KCNT2: variants seen among roughly 807,000 people sequenced by gnomAD.
KCNT2 encodes the protein potassium sodium-activated channel subfamily T member 2.
KCNT2 carries 67 observed loss-of-function variants against 153.8 expected under a neutral mutation model. The observed-to-expected ratio is 0.44, with a 90% CI of 0.36 to 0.53. The LOEUF is 0.53. Among genes scored for constraint, KCNT2 ranks in the 20% least tolerant of loss-of-function variants. The probability of loss-of-function intolerance (pLI) is 0.00; values close to 1 mark genes in which losing one functional copy is unlikely to be tolerated. For missense variants in KCNT2, 975 were observed against 1,354.8 expected, an observed-to-expected ratio of 0.72 and a Z score of 4.40; for synonymous variants, 500 against 458.8, an observed-to-expected ratio of 1.09 and a Z score of -1.15.
intron 12 of KCNT2, among the ~76,000 whole-genome samples, chr1:196,401,254 G>A (rs116815955): frequency 0.031 from 4,675 of 151,840 alleles, 101 homozygotes; most frequent in Non-Finnish European, 0.049. Context: ...GAATACAGGA[G>A]AATCCAAGCC....
intron 1 of KCNT2, among the ~76,000 whole-genome samples, chr1:196,590,456 A>G (rs4633231): frequency 0.78 from 119,161 of 152,062 alleles, 49,989 homozygotes; most frequent in East Asian, 0.97. Flanking sequence ...GGTCACTGCA[A>G]TGGAGGACGG....
intron 8 of KCNT2, among the ~76,000 whole-genome samples, chr1:196,438,507 T>C (rs1309429595): frequency 6.6e-6 from 1 of 151,822 alleles, no homozygotes; most frequent in East Asian, 1.9e-4. Context: ...AGTTAGGCAA[T>C]TTGCAAAGTA....
chr1:196,578,110 A>G (rs900009508), intron 1 of KCNT2, among the ~76,000 whole-genome samples: 16 of 152,164 alleles, frequency 1.1e-4, no homozygotes, highest in Non-Finnish European at 1.8e-4. Flanking sequence ...TACAGTGCTC[A>G]AAGAAAAGTG....
chr1:196,482,304 T>C lies in KCNT2; in HGVS notation c.324+27A>G, dbSNP rs749327355. ...TGAAATGTGAATAAACCCAGAGATA[T>C]AGGGATAAAACAAAATTGTACATAA... On this transcript the variant is annotated intron_variant, in intron 4 of 27. Transcript: ENST00000294725. The C allele has an allele frequency of 2.6e-5, 38 of 1,483,394 alleles. No homozygotes were observed. The East Asian group carries it at 5.2e-4, about 20-fold the overall frequency. The allele number at this position is 1,483,394 out of a possible 1,614,324, so 91.9% of individuals were successfully genotyped here.
chr1:196,447,076 ACT>A (rs1285486801), intron 8 of KCNT2, among the ~76,000 whole-genome samples: 3 of 151,496 alleles, frequency 2.0e-5, no homozygotes, highest in South Asian at 4.2e-4. Context: ...AAGTAAAATC[ACT>A]GTTTCACTGT....
At chr1:196,471,055 T>A (rs1178333144) in intron 5 of KCNT2, among the ~76,000 whole-genome samples, 1 of 151,656 alleles carries the variant, frequency 6.6e-6, no homozygotes, top group Non-Finnish European at 1.5e-5. Flanking sequence ...TAATCTTTTT[T>A]TTATTCTTTT....
intron 1 of KCNT2, among the ~76,000 whole-genome samples, chr1:196,496,727 C>A (rs1003428784): frequency 1.3e-5 from 2 of 152,150 alleles, no homozygotes; most frequent in African/African-American, 2.4e-5. Context: ...CCTAGCAGCT[C>A]AAGGGGCCAG....
At chr1:196,595,041 A>G (rs1466966185) in intron 1 of KCNT2, among the ~76,000 whole-genome samples, 2 of 152,098 alleles carry the variant, frequency 1.3e-5, no homozygotes, top group Non-Finnish European at 2.9e-5. Flanking sequence ...CGAGTTAAGC[A>G]TTGAAGATTA....
intron 1 of KCNT2, among the ~76,000 whole-genome samples, chr1:196,529,145 A>G (rs149604963): frequency 1.3e-4 from 20 of 152,290 alleles, no homozygotes; most frequent in African/African-American, 4.3e-4. Context: ...TAACTTAAAA[A>G]TAAATGCGAA....
chr1:196,465,802 C>G (rs1677561957), intron 7 of KCNT2, among the ~76,000 whole-genome samples: 1 of 151,082 alleles, frequency 6.6e-6, no homozygotes, highest in Non-Finnish European at 1.5e-5. Flanking sequence ...AGCTCATTAT[C>G]AGGAAAATTA....
In KCNT2 at chr1:196,514,326, G is replaced by T. The variant is rs567874511; in HGVS notation, c.96-21985C>A. On this transcript the variant is annotated intron_variant, in intron 1 of 27. Coordinates refer to ENST00000294725, the MANE Select transcript of KCNT2 (RefSeq NM_198503.5). The stretch of plus-strand genomic sequence containing the variant: ...ATGTTGACAATTATAAATATCTTCT[G>T]ACCATTTTTTTCTAATTTTCAGTCA... 9.9e-4 allele frequency among the ~76,000 whole-genome samples: 150 copies of T among 152,054 alleles called. 1 individual carries two copies. The highest frequency in any genetic ancestry group is 3.3e-3 in the African/African-American group (136 of 41,514).
chr1:196,462,096 A>G (rs914582396), intron 8 of KCNT2, among the ~76,000 whole-genome samples: 2 of 151,772 alleles, frequency 1.3e-5, no homozygotes, highest in Non-Finnish European at 2.9e-5. Context: ...GGTAAAATAA[A>G]TGATGGAATC....
chr1:196,347,335 A>G (rs544693287), intron 14 of KCNT2, among the ~76,000 whole-genome samples: 1 of 152,238 alleles, frequency 6.6e-6, no homozygotes, highest in South Asian at 2.1e-4. Flanking sequence ...TTAATTCAAG[A>G]CTGATTTTGA....
intron 15 of KCNT2, among the ~76,000 whole-genome samples, chr1:196,341,432 A>C (rs1038329285): frequency 1.2e-4 from 18 of 152,074 alleles, no homozygotes; most frequent in Non-Finnish European, 2.6e-4. Flanking sequence ...AGTAAGTCAA[A>C]GCATCATAAG....
At chr1:196,431,394 A>C (rs1238995449) in intron 8 of KCNT2, among the ~76,000 whole-genome samples, 1 of 152,094 alleles carries the variant, frequency 6.6e-6, no homozygotes, top group Non-Finnish European at 1.5e-5. Context: ...GTTTAAGGGC[A>C]ATTTTGGTGA....
At chr1:196,464,463 G>A (rs1231820932) in intron 8 of KCNT2, among the ~76,000 whole-genome samples, 4 of 151,738 alleles carry the variant, frequency 2.6e-5, no homozygotes, top group African/African-American at 9.7e-5. Flanking sequence ...ATATTTACAT[G>A]CATACATGTA....
At chr1:196,254,615 G>C (rs1656298637) in intron 26 of KCNT2, among the ~76,000 whole-genome samples, 1 of 151,470 alleles carries the variant, frequency 6.6e-6, no homozygotes, top group Non-Finnish European at 1.5e-5. Context: ...GAAAACTTAT[G>C]AGCTGAAAAC....
At chr1:196,571,982 C>G (rs1452541199) in intron 1 of KCNT2, among the ~76,000 whole-genome samples, 1 of 152,038 alleles carries the variant, frequency 6.6e-6, no homozygotes, top group Non-Finnish European at 1.5e-5. Flanking sequence ...GAAGCAGGAC[C>G]TGAAAGGCAA....
chr1:196,345,616 A>T (rs1666075338), intron 14 of KCNT2, among the ~76,000 whole-genome samples: 2 of 152,182 alleles, frequency 1.3e-5, no homozygotes, highest in Admixed American at 6.6e-5. Context: ...ATATTTTATA[A>T]AATCCCTCTG....
Sources: allele counts gnomAD v4.1 joint callset (sites outside exome capture counted in the v4.1 genomes callset), GRCh38; gene constraint gnomAD v4.1.1; transcripts MANE v1.5; gene names NCBI Gene and HGNC (gene_info 2026-07-23, HGNC 2026-07-21).